DUSP13B: variants seen among roughly 807,000 people sequenced by gnomAD.
The protein encoded by DUSP13B is dual specificity protein phosphatase 13B.
chr10:75,094,642 G>A, the DUSP13B span: 1 of 1,609,088 alleles, frequency 6.2e-7, no homozygotes, highest in South Asian at 1.1e-5. Flanking sequence ...GGTGGGGTTG[G>A]GCCAAGGGTC....
At chr10:75,099,204 TG>T in the DUSP13B span, 5 of 732,416 alleles carry the variant, frequency 6.8e-6, no homozygotes, top group Non-Finnish European at 8.2e-6. Flanking sequence ...TAACTGCCCC[TG>T]ATCCCCTGGA....
At chr10:75,105,801 C>T in the DUSP13B span, 6 of 1,551,026 alleles carry the variant, frequency 3.9e-6, no homozygotes, top group Non-Finnish European at 5.2e-6. Flanking sequence ...GCTGGTGCAG[C>T]ATGAGGTAGG....
At chr10:75,103,800 C>T in the DUSP13B span, 34 of 1,015,502 alleles carry the variant, frequency 3.3e-5, no homozygotes, top group Non-Finnish European at 4.4e-5. Context: ...CTGGAACCCC[C>T]TTCCTCTCTC....
chr10:75,102,641 C>G, the DUSP13B span, among the ~76,000 whole-genome samples: 1 of 151,682 alleles, frequency 6.6e-6, no homozygotes, highest in Non-Finnish European at 1.5e-5. Context: ...GACCCTGTCT[C>G]TACTAAAAAT....
the DUSP13B span, among the ~76,000 whole-genome samples, chr10:75,101,478 C>A: frequency 1.3e-5 from 2 of 152,118 alleles, no homozygotes; most frequent in African/African-American, 4.8e-5. Context: ...TTTCTCTGTC[C>A]AGCAATAATT....
the DUSP13B span, chr10:75,099,242 G>T: frequency 8.1e-7 from 1 of 1,232,262 alleles, no homozygotes. Flanking sequence ...GTGCATACTG[G>T]GAAGAACATC....
chr10:75,101,008 C>G, the DUSP13B span, among the ~76,000 whole-genome samples: 2 of 152,256 alleles, frequency 1.3e-5, no homozygotes, highest in African/African-American at 4.8e-5. Context: ...CTTTCTGACT[C>G]CACTCCAGGG....
At chr10:75,095,418 G>T in the DUSP13B span, among the ~76,000 whole-genome samples, 474 of 152,338 alleles carry the variant, frequency 3.1e-3, 3 homozygotes, top group Non-Finnish European at 5.6e-3. Flanking sequence ...CCCTGAAGGG[G>T]ACACTCACTG....
chr10:75,102,002 A>G, the DUSP13B span: 1 of 1,332,288 alleles, frequency 7.5e-7, no homozygotes, highest in East Asian at 4.7e-5. Flanking sequence ...CATGCTGTCT[A>G]CTCCCCTCTT....
At chr10:75,102,760 C>G in the DUSP13B span, among the ~76,000 whole-genome samples, 8 of 152,246 alleles carry the variant, frequency 5.3e-5, no homozygotes, top group Non-Finnish European at 4.4e-5. Context: ...CGAGACCAGC[C>G]TGACTAACAT....
At chr10:75,096,530 T>C in the DUSP13B span, among the ~76,000 whole-genome samples, 6,730 of 149,996 alleles carry the variant, frequency 0.045, 210 homozygotes, top group Non-Finnish European at 0.07. Context: ...TGAGTGGAGA[T>C]TGCACTACTA....
At chr10:75,107,088 CA>C in the DUSP13B span, among the ~76,000 whole-genome samples, 1 of 152,178 alleles carries the variant, frequency 6.6e-6, no homozygotes, top group Admixed American at 6.5e-5. Flanking sequence ...ATAATCCCAG[CA>C]CTTTGGGAGG....
the DUSP13B span, chr10:75,109,103 G>C: frequency 1.2e-6 from 2 of 1,611,908 alleles, no homozygotes. Context: ...AGGATGCTGG[G>C]GCAAGGCGTG....
the DUSP13B span, chr10:75,105,610 A>G: frequency 1.3e-6 from 2 of 1,484,752 alleles, no homozygotes; most frequent in Non-Finnish European, 1.8e-6. Context: ...CTAGGCCCTC[A>G]CCTGGCCTCT....
the DUSP13B span, chr10:75,108,294 A>T: frequency 6.6e-7 from 1 of 1,505,100 alleles, no homozygotes; most frequent in Non-Finnish European, 8.8e-7. Context: ...CTGCAGAGGG[A>T]CCGAGCCATT....
the DUSP13B span, among the ~76,000 whole-genome samples, chr10:75,107,808 C>T: frequency 3.9e-5 from 6 of 152,248 alleles, no homozygotes; most frequent in Admixed American, 2.0e-4. Context: ...AACTCCTGAC[C>T]TCAGGCGATC....
the DUSP13B span, among the ~76,000 whole-genome samples, chr10:75,095,175 G>A: frequency 6.6e-6 from 1 of 152,158 alleles, no homozygotes; most frequent in Non-Finnish European, 1.5e-5. Flanking sequence ...TGAGGTCACT[G>A]GGTTTGCATC....
At chr10:75,097,650 C>T in the DUSP13B span, 2 of 1,446,474 alleles carry the variant, frequency 1.4e-6, no homozygotes, top group South Asian at 3.0e-5. Flanking sequence ...GCTCATGCCC[C>T]CATTCCCGTG....
the DUSP13B span, among the ~76,000 whole-genome samples, chr10:75,097,296 C>T: frequency 7.9e-5 from 12 of 152,076 alleles, no homozygotes. Flanking sequence ...GCAACCTCTG[C>T]CTCCTGGATT....
Sources: allele counts gnomAD v4.1 joint callset (sites outside exome capture counted in the v4.1 genomes callset), GRCh38; gene constraint gnomAD v4.1.1; transcripts MANE v1.5; gene names NCBI Gene and HGNC (gene_info 2026-07-23, HGNC 2026-07-21).